Variants in ZBTB7C observed in about 807,000 individuals in gnomAD.
The protein encoded by ZBTB7C is zinc finger and BTB domain containing 7C.
A neutral mutation model predicts 25.7 loss-of-function variants in ZBTB7C; 8 were observed. The observed-to-expected ratio is 0.31, with a 90% CI of 0.18 to 0.56. The LOEUF is 0.56. Among genes scored for constraint, ZBTB7C ranks in the 20% least tolerant of loss-of-function variants. The probability of loss-of-function intolerance (pLI) is 0.91; values close to 1 mark genes in which losing one functional copy is unlikely to be tolerated. For missense variants in ZBTB7C, 824 were observed against 855.2 expected, an observed-to-expected ratio of 0.96 and a Z score of 0.46; for synonymous variants, 394 against 369.0, an observed-to-expected ratio of 1.07 and a Z score of -0.78.
chr18:48,132,850 T>C (rs1290281427), intron 3 of ZBTB7C, among the ~76,000 whole-genome samples: 2 of 152,174 alleles, frequency 1.3e-5, no homozygotes, highest in African/African-American at 2.4e-5. Context: ...AAGAAAGCAA[T>C]AGCCCTGCAG....
chr18:48,034,653 C>T (rs936529013), intron 4 of ZBTB7C, among the ~76,000 whole-genome samples: 6 of 152,144 alleles, frequency 3.9e-5, no homozygotes, highest in African/African-American at 7.2e-5. Context: ...AGGCTCACTG[C>T]GCGTTTGGTG....
intron 4 of ZBTB7C, among the ~76,000 whole-genome samples, chr18:48,039,182 C>T (rs918738969): frequency 3.3e-5 from 5 of 152,178 alleles, no homozygotes; most frequent in Non-Finnish European, 5.9e-5. Context: ...GTCCCCCTTC[C>T]TTAAATGGAA....
chr18:48,090,826 C>A (rs571367351), intron 3 of ZBTB7C, among the ~76,000 whole-genome samples: 6 of 152,318 alleles, frequency 3.9e-5, no homozygotes, highest in East Asian at 1.9e-4. Context: ...TGCCTCCAAC[C>A]CCTTGTCAGA....
At chr18:48,049,731 G>A (rs1374339741) in intron 3 of ZBTB7C, among the ~76,000 whole-genome samples, 1 of 152,186 alleles carries the variant, frequency 6.6e-6, no homozygotes, top group East Asian at 1.9e-4. Context: ...ACAGCAGGGT[G>A]GGAACTGGAT....
intron 1 of ZBTB7C, among the ~76,000 whole-genome samples, chr18:48,397,574 A>C (rs1349570531): frequency 6.6e-6 from 1 of 152,182 alleles, no homozygotes; most frequent in East Asian, 1.9e-4. Flanking sequence ...AGTTGCTGTG[A>C]GAATGAGCGG....
At chr18:48,133,357 G>A (rs1018532884) in intron 3 of ZBTB7C, among the ~76,000 whole-genome samples, 1 of 152,206 alleles carries the variant, frequency 6.6e-6, no homozygotes, top group Non-Finnish European at 1.5e-5. Context: ...GAACAAAAGG[G>A]AAAATGACAG....
chr18:48,058,883 C>T (rs2144307914), intron 3 of ZBTB7C, among the ~76,000 whole-genome samples: 1 of 152,314 alleles, frequency 6.6e-6, no homozygotes, highest in African/African-American at 2.4e-5. Flanking sequence ...GGGACTGAGG[C>T]CTCCCATCAA....
In ZBTB7C at chr18:48,040,583, T is replaced by C; in HGVS notation, c.525A>G (p.Glu175=). ...TGATGTCCTGGGGGTCAGGCAAGTTTTCTTGGTCAGCAAAGTCCTCCGTGT... is the reference window on the plus strand; with the variant it reads ...TGATGTCCTGGGGGTCAGGCAAGTTCTCTTGGTCAGCAAAGTCCTCCGTGT... ...DDDTEDFADQ[E]NLPDPQDISC... Residue 175 remains glutamate, a synonymous_variant, in exon 4 of 5, where the codon GAA becomes GAG. Coordinates refer to ENST00000590800, the MANE Select transcript of ZBTB7C (RefSeq NM_001318841.2). 6.2e-7 allele frequency: 1 copy of C among 1,613,920 alleles called. No homozygotes were observed. The highest frequency in any genetic ancestry group is 8.5e-7 in the Non-Finnish European group (1 of 1,179,950).
At chr18:48,095,009 AG>A (rs757595422) in intron 3 of ZBTB7C, among the ~76,000 whole-genome samples, 6 of 152,132 alleles carry the variant, frequency 3.9e-5, no homozygotes, top group Non-Finnish European at 7.4e-5. Flanking sequence ...CAACCTGGCA[AG>A]GCATTTCTGG....
intron 2 of ZBTB7C, among the ~76,000 whole-genome samples, chr18:48,195,995 T>G (rs976151385): frequency 6.6e-6 from 1 of 152,222 alleles, no homozygotes; most frequent in Non-Finnish European, 1.5e-5. Flanking sequence ...CAGGAAAGCA[T>G]TTGGCTCAGC....
At chr18:48,042,761 G>C (rs1344624665) in intron 3 of ZBTB7C, among the ~76,000 whole-genome samples, 1 of 149,386 alleles carries the variant, frequency 6.7e-6, no homozygotes, top group Non-Finnish European at 1.5e-5. Flanking sequence ...ATCTTTAAAA[G>C]GGCCAGAGAC....
At chr18:48,208,459 G>A (rs373221290) in intron 2 of ZBTB7C, among the ~76,000 whole-genome samples, 33 of 151,948 alleles carry the variant, frequency 2.2e-4, no homozygotes, top group Admixed American at 5.2e-4. Flanking sequence ...CCAGATCTTC[G>A]AACTCATGTC....
chr18:48,304,347 T>A (rs1042642370), intron 2 of ZBTB7C, among the ~76,000 whole-genome samples: 2 of 152,198 alleles, frequency 1.3e-5, no homozygotes, highest in African/African-American at 4.8e-5. Context: ...AAGGCGTTCC[T>A]CACACCAATG....
At chr18:48,183,351 T>C (rs991844278) in intron 3 of ZBTB7C, among the ~76,000 whole-genome samples, 15 of 152,234 alleles carry the variant, frequency 9.9e-5, no homozygotes, top group African/African-American at 3.6e-4. Context: ...ATTGGTTGTC[T>C]CTAGGACAGG....
intron 3 of ZBTB7C, among the ~76,000 whole-genome samples, chr18:48,169,448 G>A (rs951126772): frequency 1.1e-4 from 16 of 152,312 alleles, no homozygotes; most frequent in African/African-American, 2.9e-4. Context: ...CCCTGCCATC[G>A]TCACTTTTGA....
chr18:48,276,536 T>C (rs1394708769), intron 2 of ZBTB7C, among the ~76,000 whole-genome samples: 5 of 119,558 alleles, frequency 4.2e-5, no homozygotes, highest in African/African-American at 1.3e-4. Context: ...CACCTATGAG[T>C]GAGAATATGC....
chr18:48,394,190 G>GTGT (rs1022890107), intron 1 of ZBTB7C, among the ~76,000 whole-genome samples: 1 of 152,186 alleles, frequency 6.6e-6, no homozygotes, highest in African/African-American at 2.4e-5. Flanking sequence ...AAATGCAGGT[G>GTGT]TGTTGTACCT....
chr18:48,259,908 G>A (rs1367140013), intron 2 of ZBTB7C, among the ~76,000 whole-genome samples: 2 of 152,198 alleles, frequency 1.3e-5, no homozygotes, highest in Non-Finnish European at 2.9e-5. Flanking sequence ...CTATATCACT[G>A]ATAGGAATGG....
chr18:48,337,016 C>T (rs964975398), intron 2 of ZBTB7C, among the ~76,000 whole-genome samples: 2 of 152,182 alleles, frequency 1.3e-5, no homozygotes, highest in South Asian at 2.1e-4. Flanking sequence ...AGTCCAGTTC[C>T]GAGCCCACCT....
Sources: allele counts gnomAD v4.1 joint callset (sites outside exome capture counted in the v4.1 genomes callset), GRCh38; gene constraint gnomAD v4.1.1; transcripts MANE v1.5; gene names NCBI Gene and HGNC (gene_info 2026-07-23, HGNC 2026-07-21).